The following STRN variants were observed in gnomAD, a reference collection of about 807,000 sequenced individuals.
STRN encodes protein phosphatase 2 regulatory subunit B'''alpha.
In STRN, 53 loss-of-function variants were observed where a neutral mutation model predicts 96.3. The ratio of observed to expected loss-of-function variants is 0.55; its 90% CI spans 0.44 to 0.69. The LOEUF (loss-of-function observed/expected upper bound fraction) is 0.69. STRN is among the 30% of genes least tolerant of loss of function. The pLI is 0.00. For synonymous variants in STRN, 428 were observed against 355.9 expected, an observed-to-expected ratio of 1.20 and a Z score of -2.28; for missense variants, 987 against 963.9, an observed-to-expected ratio of 1.02 and a Z score of -0.32.
intron 12 of STRN, 43 bp from the exon 13 acceptor site, chr2:36,861,296 C>A: frequency 1.3e-6 from 2 of 1,597,494 alleles, no homozygotes; most frequent in Non-Finnish European, 1.7e-6. Flanking sequence ...TTCTCAAAAA[C>A]CAACCTGATA....
chr2:36,904,064 A>G lies in STRN; in HGVS notation c.492-1313T>C, dbSNP rs1002253040. Among the ~76,000 whole-genome samples the G allele has an allele frequency of 3.2e-4, 49 of 152,184 alleles. 1 individual carries two copies. Among genetic ancestry groups the G allele is most frequent in the Non-Finnish European group, 7.3e-5 (5 of 68,036 alleles). On this transcript the variant is annotated intron_variant, in intron 4 of 17. Transcript: ENST00000263918. ...TTATGGGTCCTTTGAAGTTTTTGAA[A>G]ATATCTCTTGGATAGCTCATTATGA...
At position 36,841,200 on chromosome 2, in the gene STRN, AAGG is replaced by A. The variant is rs1276860867; in HGVS notation, c.*8253_*8255del. The A allele has an allele frequency of 2.0e-5, 3 of 151,928 alleles. No individual in the cohort carries two copies. Among genetic ancestry groups the A allele is most frequent in the South Asian group, 2.1e-4 (1 of 4,816 alleles). The allele number at this position is 151,928 out of a possible 1,614,324, so 9.4% of individuals were successfully genotyped here. ...TTTTTAATCAAATCGATTCTGACAA[AAGG>A]AGTTTATTGTCTTGCTTGTTAAAAG... On this transcript the variant is annotated 3_prime_UTR_variant, in exon 18 of 18. Coordinates refer to ENST00000263918, the MANE Select transcript of STRN (RefSeq NM_003162.4).
intron 1 of STRN, among the ~76,000 whole-genome samples, chr2:36,965,255 C>G (rs1665130565): frequency 6.6e-6 from 1 of 152,318 alleles, no homozygotes; most frequent in African/African-American, 2.4e-5. Flanking sequence ...AAAGGCACAA[C>G]TATTCATAGT....
chr2:36,952,625 G>A (rs1664787641), intron 1 of STRN, among the ~76,000 whole-genome samples: 1 of 152,158 alleles, frequency 6.6e-6, no homozygotes, highest in Admixed American at 6.5e-5. Flanking sequence ...ATAGATTGTA[G>A]ATATAAAGCA....
intron 9 of STRN, among the ~76,000 whole-genome samples, chr2:36,880,744 G>C (rs1000518538): frequency 6.6e-6 from 1 of 152,116 alleles, no homozygotes; most frequent in South Asian, 2.1e-4. Flanking sequence ...GGTGTTTTTT[G>C]TTTGATTTGT....
At chr2:36,938,558 C>A (rs946791527) in intron 1 of STRN, among the ~76,000 whole-genome samples, 3 of 152,154 alleles carry the variant, frequency 2.0e-5, no homozygotes, top group African/African-American at 7.2e-5. Context: ...AAGTAAGTAG[C>A]AGCCTTAAGC....
chr2:36,966,130 G>T, intron 1 of STRN, 100 bp downstream of exon 1: 2 of 1,316,132 alleles, frequency 1.5e-6, no homozygotes, highest in Non-Finnish European at 2.0e-6. Flanking sequence ...CAAAGGGGGA[G>T]GGGACGCGAG....
At chr2:36,946,676 T>C (rs1203982456) in intron 1 of STRN, among the ~76,000 whole-genome samples, 2 of 152,220 alleles carry the variant, frequency 1.3e-5, no homozygotes, top group Non-Finnish European at 2.9e-5. Context: ...TTCTACTTCA[T>C]ATGTCTCTGT....
chr2:36,963,034 C>T (rs555414403), intron 1 of STRN, among the ~76,000 whole-genome samples: 1 of 152,190 alleles, frequency 6.6e-6, no homozygotes, highest in East Asian at 1.9e-4. Context: ...TTTTTCCCCC[C>T]ATGAACTACT....
intron 14 of STRN, among the ~76,000 whole-genome samples, chr2:36,857,089 T>C (rs1029088951): frequency 1.4e-5 from 2 of 146,802 alleles, no homozygotes; most frequent in African/African-American, 5.0e-5. Context: ...AATATAGTCT[T>C]TTTTTTTTTT....
At chr2:36,942,607 A>C (rs1006019876) in intron 1 of STRN, among the ~76,000 whole-genome samples, 2 of 152,224 alleles carry the variant, frequency 1.3e-5, no homozygotes, top group Non-Finnish European at 2.9e-5. Flanking sequence ...ATATCTCTTA[A>C]TAGATACTGA....
rs767220020 is a variant in STRN at position 36,893,959 on chromosome 2, G to C, written c.870C>G (p.Phe290Leu). Reference sequence around the variant, plus strand: ...TGTCTCCTTCCTCTGATGTAACCAAGAAGTCAAACTCCTTTAGAGCTTCTT... The same window carrying C: ...TGTCTCCTTCCTCTGATGTAACCAACAAGTCAAACTCCTTTAGAGCTTCTT... ...DTKEALKEFD[F>L]LVTSEEGDNE... Residue 290 changes from phenylalanine (F) to leucine (L), a missense_variant, in exon 7 of 18, where the codon TTC (phenylalanine) becomes TTG (leucine). Transcript: ENST00000263918. The C allele has an allele frequency of 6.2e-7, 1 of 1,613,532 alleles. No homozygotes were observed. The highest frequency in any genetic ancestry group is 1.3e-5 in the African/African-American group (1 of 74,984).
At chr2:36,922,666 C>T (rs1670292788) in intron 2 of STRN, among the ~76,000 whole-genome samples, 2 of 152,094 alleles carry the variant, frequency 1.3e-5, no homozygotes, top group East Asian at 3.9e-4. Flanking sequence ...GGACCACAAC[C>T]AACATCCTAC....
chr2:36,849,633 C>CAA lies in STRN; in HGVS notation c.2174-10_2174-9dup. The CAA allele has an allele frequency of 6.7e-7, 1 of 1,488,462 alleles. No individual in the cohort carries two copies. The highest frequency in any genetic ancestry group is 9.2e-7 in the Non-Finnish European group (1 of 1,092,200). The allele number at this position is 1,488,462 out of a possible 1,614,324, so 92.2% of individuals were successfully genotyped here. The stretch of plus-strand genomic sequence containing the variant: ...GTATTGAACAGTCATGACCTATATC[C>CAA]AAAAAAAAAATTAAAAGGAAAAATT... On this transcript the variant is annotated splice_polypyrimidine_tract_variant and intron_variant, in intron 17 of 17. Coordinates refer to ENST00000263918, the MANE Select transcript of STRN (RefSeq NM_003162.4).
intron 2 of STRN, among the ~76,000 whole-genome samples, chr2:36,918,871 T>C (rs1309293780): frequency 6.6e-6 from 1 of 152,228 alleles, no homozygotes; most frequent in African/African-American, 2.4e-5. Flanking sequence ...TTTGCTATTC[T>C]TTTTCTGTCT....
intron 10 of STRN, among the ~76,000 whole-genome samples, chr2:36,877,011 G>A (rs1050314737): frequency 6.6e-6 from 1 of 152,156 alleles, no homozygotes; most frequent in Non-Finnish European, 1.5e-5. Context: ...GCCTCCCAAA[G>A]TGCTGGGATT....
At chr2:36,876,614 T>C (rs538416027) in intron 10 of STRN, among the ~76,000 whole-genome samples, 10 of 152,282 alleles carry the variant, frequency 6.6e-5, no homozygotes, top group East Asian at 1.9e-4. Context: ...AAGAGATACA[T>C]TGTGTTTTCC....
intron 12 of STRN, among the ~76,000 whole-genome samples, chr2:36,862,504 T>C (rs1229981379): frequency 6.6e-6 from 1 of 152,176 alleles, no homozygotes; most frequent in African/African-American, 2.4e-5. Flanking sequence ...ATAATAAGTG[T>C]TGTTGAGCAT....
At chr2:36,875,797 C>T (rs1668891082) in intron 10 of STRN, among the ~76,000 whole-genome samples, 1 of 151,486 alleles carries the variant, frequency 6.6e-6, no homozygotes, top group Non-Finnish European at 1.5e-5. Context: ...GCTGGGACTA[C>T]AGGCACCCGC....
Sources: gnomAD v4.1 joint callset for allele counts (sites outside exome capture counted in the v4.1 genomes callset) on GRCh38, gnomAD v4.1.1 for gene constraint, MANE v1.5 for transcripts, NCBI Gene and HGNC (gene_info 2026-07-23, HGNC 2026-07-21) for gene names.